Variants in PDCL2 observed in about 807,000 individuals in gnomAD.
PDCL2 encodes phosducin-like protein 2.
In PDCL2, 23 loss-of-function variants were observed where a neutral mutation model predicts 30.3. The observed-to-expected ratio is 0.76, with a 90% CI of 0.55 to 1.08. The LOEUF (loss-of-function observed/expected upper bound fraction) is 1.08. Among genes scored for constraint, PDCL2 ranks in the 50% least tolerant of loss-of-function variants. PDCL2 has a pLI of 0.00. For missense variants in PDCL2, 243 were observed against 282.3 expected, an observed-to-expected ratio of 0.86 and a Z score of 1.00; for synonymous variants, 68 against 86.2, an observed-to-expected ratio of 0.79 and a Z score of 1.17.
chr4:55,582,288 T>C (rs567479720), intron 1 of PDCL2, 51 bp from the exon 2 acceptor site: 48 of 1,507,262 alleles, frequency 3.2e-5, no homozygotes, highest in South Asian at 9.0e-5. Context: ...CACTTTAATA[T>C]GTATTTGGAA....
rs755716688 is a variant in PDCL2 at position 55,562,608 on chromosome 4, G to C, written c.367C>G (p.Pro123Ala). 1 of 1,574,130 alleles carries C rather than the reference G, an allele frequency of 6.4e-7. No individual in the cohort carries two copies. Among genetic ancestry groups the C allele is most frequent in the South Asian group, 1.2e-5 (1 of 83,490 alleles). The change falls in exon 5 of 6, where the codon CCA becomes GCA. Residue 123 changes from proline (P) to alanine (A), a missense_variant. By Grantham distance (27) the Pro-to-Ala change is conservative. Coordinates refer to ENST00000295645, the MANE Select transcript of PDCL2 (RefSeq NM_152401.3). ...TGCTGGTTAACCAACAAACACATTG[G>C]GATGCTAAAAAGAGAAACAGTACAC... ...VIIHLYRSSIPMCLLVNQHLS... is the reference protein window; with the variant it reads ...VIIHLYRSSIAMCLLVNQHLS...
intron 3 of PDCL2, among the ~76,000 whole-genome samples, chr4:55,578,206 A>C (rs2110163525): frequency 6.6e-6 from 1 of 152,332 alleles, no homozygotes; most frequent in East Asian, 1.9e-4. Flanking sequence ...GGGAGTTCAC[A>C]CAATGGCAGT....
intron 3 of PDCL2, among the ~76,000 whole-genome samples, chr4:55,573,068 A>G (rs1273460047): frequency 2.0e-5 from 3 of 152,012 alleles, no homozygotes; most frequent in Non-Finnish European, 4.4e-5. Flanking sequence ...GTGTGTTTCT[A>G]CTTCTTTCCC....
rs557371853 is a variant in PDCL2, at chr4:55,561,464, G to C, written c.571+940C>G. ...TGTAATCCCAGCTACTCGGGAGGCTGAGGCAGGGAGAATTGCTTGAACCAG... is the reference window on the plus strand; with the variant it reads ...TGTAATCCCAGCTACTCGGGAGGCTCAGGCAGGGAGAATTGCTTGAACCAG... On this transcript the variant is annotated intron_variant, in intron 5 of 5. Coordinates refer to ENST00000295645, the MANE Select transcript of PDCL2 (RefSeq NM_152401.3). Among the ~76,000 whole-genome samples, 6 of 152,264 alleles carry C rather than the reference G, an allele frequency of 3.9e-5. No homozygotes were observed. The South Asian group carries it at 1.2e-3, about 32-fold the overall frequency.
intron 1 of PDCL2, among the ~76,000 whole-genome samples, chr4:55,588,451 C>T (rs894711559): frequency 2.0e-5 from 3 of 152,186 alleles, no homozygotes; most frequent in Admixed American, 1.3e-4. Flanking sequence ...TTAAAGCCCC[C>T]TCTTGAAGTT....
intron 5 of PDCL2, among the ~76,000 whole-genome samples, chr4:55,559,087 T>A (rs1732057768): frequency 6.6e-6 from 1 of 152,212 alleles, no homozygotes; most frequent in Non-Finnish European, 1.5e-5. Flanking sequence ...ACCAACTTCA[T>A]ATCCATCAGA....
chr4:55,564,246 T>G (rs1215256681), intron 4 of PDCL2, among the ~76,000 whole-genome samples: 1 of 152,084 alleles, frequency 6.6e-6, no homozygotes, highest in African/African-American at 2.4e-5. Context: ...GGGTCAGTAG[T>G]GTGAATGGCA....
chr4:55,577,905 T>G (rs1382628716), intron 3 of PDCL2, among the ~76,000 whole-genome samples: 1 of 152,204 alleles, frequency 6.6e-6, no homozygotes, highest in African/African-American at 2.4e-5. Flanking sequence ...GCCTTGTGAT[T>G]TTTGTTGAAA....
chr4:55,584,403 C>G (rs1236703746), intron 1 of PDCL2, among the ~76,000 whole-genome samples: 7 of 151,980 alleles, frequency 4.6e-5, no homozygotes, highest in Non-Finnish European at 1.0e-4. Context: ...ACTACAGGTG[C>G]CTACCACCTC....
At chr4:55,589,070 A>T (rs1324060295) in intron 1 of PDCL2, among the ~76,000 whole-genome samples, 1 of 152,142 alleles carries the variant, frequency 6.6e-6, no homozygotes, top group African/African-American at 2.4e-5. Context: ...CGTGTTAGCC[A>T]GGATGGTCTC....
chr4:55,556,827 AT>A, intron 5 of PDCL2, 116 bp from the exon 6 acceptor site: 1 of 899,436 alleles, frequency 1.1e-6, no homozygotes, highest in Non-Finnish European at 1.5e-6. Flanking sequence ...TGATATATTT[AT>A]TTATAGGTTT....
At chr4:55,573,976 C>G (rs191956181) in intron 3 of PDCL2, among the ~76,000 whole-genome samples, 1 of 151,748 alleles carries the variant, frequency 6.6e-6, no homozygotes. Context: ...TCACTGCAAC[C>G]TCTGCCTCCC....
chr4:55,580,701 T>C (rs1732686454), intron 3 of PDCL2, 120 bp downstream of exon 3: 1 of 636,408 alleles, frequency 1.6e-6, no homozygotes, highest in Non-Finnish European at 2.5e-6. Flanking sequence ...AGTTTCAAAA[T>C]GTTACTTAAA....
chr4:55,558,778 A>G (rs1267554232), intron 5 of PDCL2, among the ~76,000 whole-genome samples: 1 of 152,230 alleles, frequency 6.6e-6, no homozygotes, highest in East Asian at 1.9e-4. Context: ...ACTATGCCAA[A>G]TCATAACTTT....
chr4:55,581,954 G>C (rs1370684856), intron 2 of PDCL2, among the ~76,000 whole-genome samples, 163 bp downstream of exon 2: 1 of 152,064 alleles, frequency 6.6e-6, no homozygotes, highest in Non-Finnish European at 1.5e-5. Context: ...TGATCCGCTG[G>C]CCTCAGCCTC....
Position 55,582,133 on chromosome 4 carries a change from T to C in PDCL2, c.111A>G (p.Leu37=). ...CGACCATACCCATTGCTTCTTTCTG[T>C]AAACGTAAAACCATTTCTTCAATTT... The part of the protein sequence containing the change: ...KDEIEEMVLR[L]QKEAMVKPFE... Residue 37 remains leucine (L), a synonymous_variant, in exon 2 of 6, where the codon TTA becomes TTG. Transcript: ENST00000295645. 6.2e-7 allele frequency: 1 copy of C among 1,613,214 alleles called. No individual in the cohort carries two copies. Among genetic ancestry groups the C allele is most frequent in the Non-Finnish European group, 8.5e-7 (1 of 1,179,722 alleles).
chr4:55,570,990 C>T (rs979825819), intron 3 of PDCL2, among the ~76,000 whole-genome samples: 3 of 152,184 alleles, frequency 2.0e-5, no homozygotes, highest in Non-Finnish European at 4.4e-5. Context: ...AAATAGCAAA[C>T]ACTGTTCAAA....
intron 1 of PDCL2, among the ~76,000 whole-genome samples, chr4:55,585,128 T>G (rs1732827003): frequency 6.6e-6 from 1 of 152,216 alleles, no homozygotes; most frequent in Non-Finnish European, 1.5e-5. Flanking sequence ...GCTAGTATTT[T>G]GTTGGGGATT....
intron 1 of PDCL2, among the ~76,000 whole-genome samples, chr4:55,582,603 C>T (rs1732751573): frequency 6.6e-6 from 1 of 152,090 alleles, no homozygotes; most frequent in South Asian, 2.1e-4. Flanking sequence ...AGATGAACTT[C>T]CTTTTTTCTT....
Sources: allele counts gnomAD v4.1 joint callset (sites outside exome capture counted in the v4.1 genomes callset), GRCh38; gene constraint gnomAD v4.1.1; transcripts MANE v1.5; gene names NCBI Gene and HGNC (gene_info 2026-07-23, HGNC 2026-07-21).